The following SPTB variants were observed in gnomAD, a reference collection of about 807,000 sequenced individuals.
SPTB encodes spectrin beta chain, erythrocytic.
In SPTB, 45 loss-of-function variants were observed where a neutral mutation model predicts 256.2. The observed-to-expected ratio is 0.18, with a 90% confidence interval of 0.14 to 0.23. The LOEUF (loss-of-function observed/expected upper bound fraction) is 0.23. Ranked by LOEUF, SPTB falls within the 10% of genes least tolerant of loss-of-function variation. The pLI, the probability that SPTB is intolerant of heterozygous loss-of-function variation, is 1.00. For synonymous variants in SPTB, 1,231 were observed against 1,243.1 expected, an observed-to-expected ratio of 0.99 and a Z score of 0.21; for missense variants, 2,715 against 3,040.4, an observed-to-expected ratio of 0.89 and a Z score of 2.52.
Position 64,793,497 on chromosome 14 carries a change from C to T in SPTB, c.2166G>A (p.Ser722=), listed in dbSNP as rs755778930. The T allele has an allele frequency of 1.1e-5, 17 of 1,614,000 alleles. No individual in the cohort carries two copies. Among genetic ancestry groups the T allele is most frequent in the Middle Eastern group, 3.3e-4 (2 of 6,084 alleles). ...PQIEARIKEV[S]AQWDQLKDLA... ...GGTCCTTCAGCTGGTCCCACTGTGC[C>T]GACACCTCCTTTATGCGGGCCTCGA... Residue 722 remains serine (S), a synonymous_variant, in exon 14 of 36, where the codon TCG becomes TCA. Coordinates refer to ENST00000644917, the MANE Select transcript of SPTB (RefSeq NM_001355436.2). The surrounding 1 kb of genome is among the most constrained non-coding windows in gnomAD (Gnocchi z 7.0).
Position 64,782,432 on chromosome 14 carries a change from A to G in SPTB, c.4124T>C (p.Leu1375Pro), listed in dbSNP as rs2082488370. 2.5e-6 allele frequency: 4 copies of G among 1,614,146 alleles called. No individual in the cohort carries two copies. Among genetic ancestry groups the G allele is most frequent in the Non-Finnish European group, 3.4e-6 (4 of 1,180,038 alleles). ...QATTKEKTQH[L>P]SAARSSDLRL... is the part of the protein sequence containing the mutation. ...CAGGTCGGAGCTCCTGGCAGCCGAG[A>G]GGTGCTGGGTCTTCTCCTTTGTGGT... Residue 1375 changes from leucine (L) to proline (P), a missense_variant, in exon 20 of 36, where the codon CTC (leucine) becomes CCC (proline). Leu to Pro is a moderately conservative substitution (Grantham distance 98, BLOSUM62 -3). Transcript: ENST00000644917.
Position 64,790,042 on chromosome 14 carries a change from T to G in SPTB, c.2804+1677A>C, listed in dbSNP as rs1352926752. On this transcript the variant is annotated intron_variant, in intron 15 of 35. Coordinates refer to ENST00000644917, the MANE Select transcript of SPTB (RefSeq NM_001355436.2). The surrounding 1 kb of genome is among the most constrained non-coding windows in gnomAD (Gnocchi z 4.8). ...CTCAAGGGCAGAGCCAGAATCAATA[T>G]GTACGCATTTCAAGGAGGCAGATTT... 6.6e-6 allele frequency among the ~76,000 whole-genome samples: 1 copy of G among 152,166 alleles called. No homozygotes were observed. The highest frequency in any genetic ancestry group is 1.5e-5 in the Non-Finnish European group (1 of 68,026).
chr14:64,818,244 C>T (rs1008161402), intron 2 of SPTB, among the ~76,000 whole-genome samples: 10 of 152,204 alleles, frequency 6.6e-5, no homozygotes, highest in Admixed American at 6.5e-5. Context: ...TGAGAAAGAA[C>T]GTGAAGGCCA....
chr14:64,776,908 G>C (rs1410943658), intron 22 of SPTB, among the ~76,000 whole-genome samples: 1 of 152,176 alleles, frequency 6.6e-6, no homozygotes, highest in Non-Finnish European at 1.5e-5. Context: ...AGAAACAAGA[G>C]AAATGAAAAT....
rs947770467 is a variant in SPTB, at chr14:64,853,812, A to G, written c.-52+25980T>C. On this transcript the variant is annotated intron_variant, in intron 1 of 35. Coordinates refer to ENST00000644917, the MANE Select transcript of SPTB (RefSeq NM_001355436.2). This position sits in a 1 kb window ranked among gnomAD's most constrained non-coding sequence, Gnocchi z 4.3. ...GAACATTTCTTGTGTCTACTGGCCT[A>G]GGATCTCACACATATCAGGAGCTTA... 6.6e-6 allele frequency among the ~76,000 whole-genome samples: 1 copy of G among 152,230 alleles called. No individual in the cohort carries two copies. Among genetic ancestry groups the G allele is most frequent in the East Asian group, 1.9e-4 (1 of 5,206 alleles).
rs1168472118 is a variant in SPTB at position 64,847,653 on chromosome 14, T to C, written c.-51-24508A>G. On this transcript the variant is annotated intron_variant, in intron 1 of 35. Coordinates refer to ENST00000644917, the MANE Select transcript of SPTB (RefSeq NM_001355436.2). The surrounding 1 kb of genome is among the most constrained non-coding windows in gnomAD (Gnocchi z 5.9). ...TCTGAGATGAGAGCACTGACTACCATGAGACACCAGCCAGCTGGTGGGAAG... is the reference window on the plus strand; with the variant it reads ...TCTGAGATGAGAGCACTGACTACCACGAGACACCAGCCAGCTGGTGGGAAG... Among the ~76,000 whole-genome samples the C allele has an allele frequency of 1.3e-5, 2 of 152,138 alleles. No homozygotes were observed. The highest frequency in any genetic ancestry group is 2.1e-4 in the South Asian group (1 of 4,828).
Position 64,778,802 on chromosome 14 carries a change from C to A in SPTB, c.4563+355G>T, listed in dbSNP as rs916525459. 1.3e-5 allele frequency among the ~76,000 whole-genome samples: 2 copies of A among 152,084 alleles called. No homozygotes were observed. Among genetic ancestry groups the A allele is most frequent in the African/African-American group, 4.8e-5 (2 of 41,394 alleles). The stretch of plus-strand genomic sequence containing the variant: ...GTGGGAGAGAGATCAGGAGTTACTG[C>A]CCTCCTCTCAGGCAGACCACTGGAT... On this transcript the variant is annotated intron_variant, in intron 22 of 35. Transcript: ENST00000644917. The surrounding 1 kb of genome is among the most constrained non-coding windows in gnomAD (Gnocchi z 5.2).
rs145578912 is a variant in SPTB at position 64,868,009 on chromosome 14, G to C, written c.-52+11783C>G. Reference sequence around the variant, plus strand: ...CCCAAGCATCCAAGGCAAGATAATGGAGAAGGAATAAAGCTAGGAAGAGAG... The same window carrying C: ...CCCAAGCATCCAAGGCAAGATAATGCAGAAGGAATAAAGCTAGGAAGAGAG... On this transcript the variant is annotated intron_variant, in intron 1 of 35. Coordinates refer to ENST00000644917, the MANE Select transcript of SPTB (RefSeq NM_001355436.2). Among the ~76,000 whole-genome samples, 14 of 152,310 alleles carry C rather than the reference G, an allele frequency of 9.2e-5. No individual in the cohort carries two copies. The East Asian group carries it at 2.7e-3, about 29-fold the overall frequency.
rs141261290 is a variant in SPTB, at chr14:64,773,107, C to A, written c.5178+113G>T. The A allele has an allele frequency of 1.1e-3, 1,633 of 1,550,712 alleles. 1 individual carries two copies. Among genetic ancestry groups the A allele is most frequent in the Middle Eastern group, 3.1e-3 (18 of 5,804 alleles). ...GGCAGGCCTGCATCGGCTGGTCCCG[C>A]CTCACACTGGGGAGGTTACGTCCTA... On this transcript the variant is annotated intron_variant, in intron 25 of 35. Transcript: ENST00000644917.
chr14:64,864,507 G>A (rs1049655197), intron 1 of SPTB, among the ~76,000 whole-genome samples: 2 of 152,112 alleles, frequency 1.3e-5, no homozygotes, highest in African/African-American at 2.4e-5. Flanking sequence ...GACGTCCAAG[G>A]TGTTTCATCA....
chr14:64,874,939 AT>A (rs932930378), intron 1 of SPTB, among the ~76,000 whole-genome samples: 4 of 150,990 alleles, frequency 2.6e-5, no homozygotes, highest in Admixed American at 6.6e-5. Context: ...TGCAAAGCCT[AT>A]TTTTTTTTCA....
chr14:64,831,254 T>C (rs1157303114), intron 1 of SPTB, among the ~76,000 whole-genome samples: 1 of 152,222 alleles, frequency 6.6e-6, no homozygotes, highest in African/African-American at 2.4e-5. Flanking sequence ...CCTCAAATCC[T>C]GGGAGAAACA....
intron 24 of SPTB, among the ~76,000 whole-genome samples, chr14:64,774,060 C>A (rs2082318871): frequency 6.6e-6 from 1 of 152,158 alleles, no homozygotes; most frequent in African/African-American, 2.4e-5. Flanking sequence ...CCTTCTGGAC[C>A]ATAAAAATAA....
At chr14:64,846,837 G>C (rs1464250662) in intron 1 of SPTB, among the ~76,000 whole-genome samples, 1 of 152,166 alleles carries the variant, frequency 6.6e-6, no homozygotes, top group Non-Finnish European at 1.5e-5. Flanking sequence ...GAAGTCAACT[G>C]AACTATCAGA....
intron 13 of SPTB, 139 bp from the exon 14 acceptor site, chr14:64,794,006 G>T: frequency 2.8e-6 from 2 of 708,480 alleles, no homozygotes; most frequent in South Asian, 2.0e-5. Flanking sequence ...ATGCAGGGGG[G>T]TCCCAGTTGC....
rs781111810 is a variant in SPTB, at chr14:64,794,530, C to T, written c.1732G>A (p.Ala578Thr). The stretch of plus-strand genomic sequence containing the variant: ...GCCTTCACTTTGTCCCCTTGGATGG[C>T]GATGTCAGCTTCCATCAACTTGTGC... ...QKHKLMEADI[A>T]IQGDKVKAIT... The change falls in exon 13 of 36, where the codon GCC becomes ACC. Residue 578 changes from alanine to threonine, a missense_variant. Physicochemically the swap from Ala to Thr is moderately conservative, Grantham distance 58. Transcript: ENST00000644917. 6.2e-6 allele frequency: 10 copies of T among 1,614,166 alleles called. No individual in the cohort carries two copies. The highest frequency in any genetic ancestry group is 1.7e-5 in the Admixed American group (1 of 60,028).
intron 1 of SPTB, among the ~76,000 whole-genome samples, chr14:64,851,460 CAGT>C (rs576232036): frequency 5.9e-5 from 9 of 151,644 alleles, no homozygotes; most frequent in Admixed American, 1.3e-4. Flanking sequence ...GTAGCAGTAG[CAGT>C]AGTAGTAGTA....
chr14:64,805,212 T>A, intron 2 of SPTB, 122 bp from the exon 3 acceptor site: 1 of 1,058,182 alleles, frequency 9.5e-7, no homozygotes, highest in Non-Finnish European at 1.4e-6. Flanking sequence ...AGTCGATGTA[T>A]TCATTCCACT....
chr14:64,812,507 G>A (rs1304075090), intron 2 of SPTB, among the ~76,000 whole-genome samples: 1 of 152,172 alleles, frequency 6.6e-6, no homozygotes, highest in East Asian at 1.9e-4. Context: ...CTACTTCTGA[G>A]GTTCTGCCCT....
Sources: gnomAD v4.1 joint callset for allele counts (sites outside exome capture counted in the v4.1 genomes callset) on GRCh38, gnomAD v4.1.1 for gene constraint, Gnocchi (gnomAD v3.1) non-coding constraint, MANE v1.5 for transcripts, NCBI Gene and HGNC (gene_info 2026-07-23, HGNC 2026-07-21) for gene names.